DOCK1: variants seen among roughly 807,000 people sequenced by gnomAD.
DOCK1 encodes the protein dedicator of cytokinesis protein 1.
DOCK1 carries 138 observed loss-of-function variants against 262.7 expected under a neutral mutation model. That is an observed-to-expected ratio of 0.53 (90% CI 0.46 to 0.61). DOCK1 has a LOEUF of 0.61. Among genes scored for constraint, DOCK1 ranks in the 20% least tolerant of loss-of-function variants. DOCK1 has a pLI of 0.00. For missense variants in DOCK1, 1,908 were observed against 2,370.7 expected, an observed-to-expected ratio of 0.80 and a Z score of 4.05; for synonymous variants, 866 against 867.4, an observed-to-expected ratio of 1.00 and a Z score of 0.03.
At chr10:127,058,339 T>G (rs1409670108) in intron 22 of DOCK1, among the ~76,000 whole-genome samples, 1 of 151,820 alleles carries the variant, frequency 6.6e-6, no homozygotes, top group Non-Finnish European at 1.5e-5. Flanking sequence ...TCTCTTAATC[T>G]TTTGGCTAGT....
intron 1 of DOCK1, among the ~76,000 whole-genome samples, chr10:126,921,097 G>A (rs1236153953): frequency 6.6e-6 from 1 of 151,860 alleles, no homozygotes; most frequent in Non-Finnish European, 1.5e-5. Flanking sequence ...CTACTGGGGA[G>A]GCTGAGGCAG....
chr10:126,975,703 C>T (rs2038478010), intron 2 of DOCK1, among the ~76,000 whole-genome samples: 1 of 151,344 alleles, frequency 6.6e-6, no homozygotes. Context: ...CAGCTCACTG[C>T]AACCTCTGCC....
intron 47 of DOCK1, among the ~76,000 whole-genome samples, chr10:127,430,895 G>C (rs2134623426): frequency 6.6e-6 from 1 of 152,294 alleles, no homozygotes; most frequent in Middle Eastern, 3.4e-3. Flanking sequence ...TAAAACTCAG[G>C]GTCATTAGGC....
intron 23 of DOCK1, 106 bp from the exon 24 acceptor site, chr10:127,106,125 C>A: frequency 2.6e-6 from 3 of 1,175,836 alleles, no homozygotes; most frequent in South Asian, 1.6e-5. Context: ...TGGAAGTGAT[C>A]TTTCTCTTCT....
At chr10:127,223,454 G>C (rs536030425) in intron 27 of DOCK1, among the ~76,000 whole-genome samples, 1 of 152,170 alleles carries the variant, frequency 6.6e-6, no homozygotes, top group South Asian at 2.1e-4. Flanking sequence ...TCCCTAATTG[G>C]AAAATTCGAA....
At position 127,024,715 on chromosome 10, in the gene DOCK1, G is replaced by A; in HGVS notation, c.1483G>A (p.Ala495Thr). 1 of 1,612,460 alleles carries A rather than the reference G, an allele frequency of 6.2e-7. No individual in the cohort carries two copies. Among genetic ancestry groups the A allele is most frequent in the Non-Finnish European group, 8.5e-7 (1 of 1,179,414 alleles). The stretch of plus-strand genomic sequence containing the variant: ...GATTTTCCCGGGTGCTGGTGATGAA[G>A]CGATTTCAGAGTACAAATCTGTGAT... ...HVIFPGAGDE[A>T]ISEYKSVIYY... Residue 495 changes from alanine (A) to threonine (T), a missense_variant, in exon 15 of 52, where the codon GCG becomes ACG. Physicochemically the swap from Ala to Thr is moderately conservative, Grantham distance 58. Around this residue, in one of 9 missense-constraint regions of DOCK1, gnomAD observed 294 missense variants for 439.9 expected, o/e 0.67. Coordinates refer to ENST00000623213, the MANE Select transcript of DOCK1 (RefSeq NM_001290223.2).
At chr10:126,997,139 A>C (rs1238104797) in intron 7 of DOCK1, among the ~76,000 whole-genome samples, 1 of 152,146 alleles carries the variant, frequency 6.6e-6, no homozygotes, top group Non-Finnish European at 1.5e-5. Context: ...TTGTGTTCTC[A>C]TCTGTCAAAT....
chr10:127,024,627 G>A (rs1366662320), intron 14 of DOCK1, 58 bp from the exon 15 acceptor site: 10 of 1,422,266 alleles, frequency 7.0e-6, no homozygotes, highest in Non-Finnish European at 3.9e-6. Context: ...AGTGGGAGAT[G>A]TATATGGTGT....
chr10:127,409,154 G>C lies in DOCK1; in HGVS notation c.4240G>C (p.Asp1414His), dbSNP rs543463732. 1 of 1,613,310 alleles carries C rather than the reference G, an allele frequency of 6.2e-7. No individual in the cohort carries two copies. The highest frequency in any genetic ancestry group is 8.5e-7 in the Non-Finnish European group (1 of 1,179,630). ...KMKTTSPPGD[D>H]IKNSPGQYIQ... ...GAAGACAACATCTCCACCAGGCGAC[G>C]ATATTAAAAACTCTCCTGGCCAGTG... Residue 1414 changes from aspartate (D) to histidine (H), a missense_variant, in exon 41 of 52, where the codon GAT becomes CAT. Around this residue, in one of 9 missense-constraint regions of DOCK1, gnomAD observed 267 missense variants for 366.3 expected, o/e 0.73. Transcript: ENST00000623213.
intron 49 of DOCK1, among the ~76,000 whole-genome samples, chr10:127,441,477 A>G (rs796289610): frequency 7.9e-5 from 12 of 152,294 alleles, no homozygotes; most frequent in African/African-American, 1.9e-4. Flanking sequence ...CAGGCTTACT[A>G]TTCTTGGTCC....
intron 27 of DOCK1, among the ~76,000 whole-genome samples, chr10:127,180,565 TAATC>T (rs1217389481): frequency 1.3e-5 from 2 of 152,222 alleles, no homozygotes; most frequent in African/African-American, 4.8e-5. Context: ...TTAAATTTCA[TAATC>T]AAAGTGAGCT....
At chr10:127,342,077 T>C (rs907688486) in intron 30 of DOCK1, among the ~76,000 whole-genome samples, 3 of 147,520 alleles carry the variant, frequency 2.0e-5, no homozygotes, top group African/African-American at 7.6e-5. Context: ...GCTGCTGCTG[T>C]TGCTGTTGCT....
chr10:126,917,427 CTG>C (rs2032630898), intron 1 of DOCK1, among the ~76,000 whole-genome samples: 1 of 152,190 alleles, frequency 6.6e-6, no homozygotes, highest in Non-Finnish European at 1.5e-5. Context: ...TTTCCTCAGA[CTG>C]TGGGTGCCTG....
chr10:127,364,220 G>A (rs1292398633), intron 33 of DOCK1, among the ~76,000 whole-genome samples: 1 of 152,200 alleles, frequency 6.6e-6, no homozygotes, highest in Non-Finnish European at 1.5e-5. Context: ...GCACACAGGA[G>A]ATGAACAGAG....
intron 29 of DOCK1, among the ~76,000 whole-genome samples, chr10:127,258,502 T>C (rs1410180356): frequency 6.6e-6 from 1 of 152,226 alleles, no homozygotes; most frequent in Non-Finnish European, 1.5e-5. Flanking sequence ...CTGGGTAGTG[T>C]CCCATGGTAC....
At chr10:127,448,959 G>A (rs546362202) in intron 51 of DOCK1, among the ~76,000 whole-genome samples, 19 of 152,130 alleles carry the variant, frequency 1.2e-4, no homozygotes, top group Admixed American at 5.2e-4. Context: ...TACAGCATAC[G>A]TATTTCATCA....
intron 8 of DOCK1, 72 bp downstream of exon 8, chr10:126,998,321 A>G (rs1475701491): frequency 1.3e-6 from 2 of 1,590,612 alleles, no homozygotes; most frequent in Non-Finnish European, 1.7e-6. Context: ...GAACCACTGA[A>G]GCGTCCCATT....
chr10:127,096,076 G>A (rs1564799915), intron 23 of DOCK1, among the ~76,000 whole-genome samples: 4 of 152,124 alleles, frequency 2.6e-5, no homozygotes, highest in Non-Finnish European at 5.9e-5. Flanking sequence ...AAGTATTTTT[G>A]GATTTAAAAT....
chr10:127,187,712 A>G (rs2056402169), intron 27 of DOCK1, among the ~76,000 whole-genome samples: 1 of 148,072 alleles, frequency 6.8e-6, no homozygotes, highest in Admixed American at 6.9e-5. Flanking sequence ...CCATTAAAAA[A>G]CAAGGAGAAG....
Sources: allele counts gnomAD v4.1 joint callset (sites outside exome capture counted in the v4.1 genomes callset), GRCh38; gene constraint gnomAD v4.1.1; regional missense constraint gnomAD v4.1.1; transcripts MANE v1.5; gene names NCBI Gene and HGNC (gene_info 2026-07-23, HGNC 2026-07-21).